The following HELLS variants were observed in gnomAD, a reference collection of about 807,000 sequenced individuals.
HELLS encodes helicase, lymphoid specific, also known as lymphoid-specific helicase.
In HELLS, 32 loss-of-function variants were observed where a neutral mutation model predicts 120.0. That is an observed-to-expected ratio of 0.27 (90% confidence interval 0.20 to 0.36). The LOEUF is 0.36. HELLS is among the 10% of genes least tolerant of loss of function. The pLI is 1.00. For missense variants in HELLS, 650 were observed against 993.4 expected (o/e 0.65, Z 4.65); for synonymous variants, 341 against 323.4 (o/e 1.05, Z -0.58).
At chr10:94,559,972 G>A (rs1843470806) in intron 4 of HELLS, among the ~76,000 whole-genome samples, 1 of 152,188 alleles carries the variant, frequency 6.6e-6, no homozygotes, top group African/African-American at 2.4e-5. Flanking sequence ...GAAAATTACG[G>A]ATTTGAACCC....
At chr10:94,556,170 G>A (rs1843252208) in intron 3 of HELLS, among the ~76,000 whole-genome samples, 2 of 152,146 alleles carry the variant, frequency 1.3e-5, no homozygotes, top group South Asian at 4.1e-4. Context: ...GATAGTGTCA[G>A]AATTGAATTA....
At chr10:94,581,182 CATG>C in intron 10 of HELLS, 141 bp from the exon 11 acceptor site, 1 of 514,196 alleles carries the variant, frequency 1.9e-6, no homozygotes, top group Non-Finnish European at 3.4e-6. Context: ...CAAATGAAAA[CATG>C]ATCATTTCAG....
rs1324058472 is a variant in HELLS at position 94,592,506 on chromosome 10, G to A, written c.1963G>A (p.Glu655Lys). The change falls in exon 17 of 22, where the codon GAA (glutamate) becomes AAA (lysine). Residue 655 changes from glutamate to lysine, a missense_variant. Physicochemically the swap from Glu to Lys is moderately conservative, Grantham distance 56. Coordinates refer to ENST00000348459, the MANE Select transcript of HELLS (RefSeq NM_018063.5). ...LDGSMSYSEREKNMHSFNTDP... is the reference protein window; with the variant it reads ...LDGSMSYSERKKNMHSFNTDP... ...TGGGTCCATGTCTTACTCAGAGAGA[G>A]AAAAAAACGTAAGACTACTTATGTC... The A allele has an allele frequency of 6.9e-7, 1 of 1,458,014 alleles. No individual in the cohort carries two copies. Among genetic ancestry groups the A allele is most frequent in the Non-Finnish European group, 9.1e-7 (1 of 1,104,428 alleles). 90.3% of individuals were successfully genotyped at this position (1,458,014 alleles called of 1,614,324 possible). A position where few individuals can be genotyped will look rare whatever the true frequency, so the allele number is the denominator to read the frequency against.
At chr10:94,548,140 T>C (rs1842826618) in intron 2 of HELLS, among the ~76,000 whole-genome samples, 3 of 152,240 alleles carry the variant, frequency 2.0e-5, no homozygotes, top group Admixed American at 1.3e-4. Flanking sequence ...CATCACTTGC[T>C]GTTTTGTTTT....
chr10:94,572,153 AGTT>A (rs1844209830), intron 7 of HELLS, among the ~76,000 whole-genome samples: 1 of 152,156 alleles, frequency 6.6e-6, no homozygotes, highest in Admixed American at 6.5e-5. Context: ...TTATGGGTGC[AGTT>A]TAGTTGGATT....
Position 94,576,693 on chromosome 10 carries a change from A to G in HELLS, c.920A>G (p.Glu307Gly). 1 of 1,608,382 alleles carries G rather than the reference A, an allele frequency of 6.2e-7. No homozygotes were observed. The highest frequency in any genetic ancestry group is 8.5e-7 in the Non-Finnish European group (1 of 1,175,188). The change falls in exon 10 of 22, where the codon GAG becomes GGG. Residue 307 changes from glutamate (E) to glycine (G), a missense_variant. Physicochemically the swap from Glu to Gly is moderately conservative, Grantham distance 98 (BLOSUM62 -2). Transcript: ENST00000348459. Reference protein sequence around the residue: ...IPTMLYHGTQEERQKLVRNIY... With the variant: ...IPTMLYHGTQGERQKLVRNIY... ...ACAATGTTATATCATGGAACCCAGG[A>G]GGAACGTCAAAAATTGGTAAGAAAT...
chr10:94,555,392 G>T (rs1347409203), intron 3 of HELLS, among the ~76,000 whole-genome samples: 1 of 152,078 alleles, frequency 6.6e-6, no homozygotes. Flanking sequence ...AGCCGAGATT[G>T]CACCCCTGGA....
At chr10:94,592,661 G>A in intron 17 of HELLS, 147 bp downstream of exon 17, 1 of 472,644 alleles carries the variant, frequency 2.1e-6, no homozygotes, top group Non-Finnish European at 3.5e-6. Context: ...CAAACATTTT[G>A]ATTTAGTACT....
chr10:94,575,674 G>A (rs1390159465), intron 9 of HELLS, among the ~76,000 whole-genome samples: 4 of 150,458 alleles, frequency 2.7e-5, no homozygotes, highest in African/African-American at 9.7e-5. Flanking sequence ...GCCCACCTTG[G>A]CCTCCCACAG....
At chr10:94,564,189 A>T (rs1843683223) in intron 6 of HELLS, among the ~76,000 whole-genome samples, 1 of 152,122 alleles carries the variant, frequency 6.6e-6, no homozygotes, top group Non-Finnish European at 1.5e-5. Flanking sequence ...CTTGTTAAGT[A>T]CCTAGTGGAC....
chr10:94,603,785 T>C (rs191074273), downstream of HELLS, among the ~76,000 whole-genome samples: 1 of 152,306 alleles, frequency 6.6e-6, no homozygotes, highest in Admixed American at 6.5e-5. Flanking sequence ...TCATATTTCA[T>C]GTCTGATTCT....
intron 12 of HELLS, among the ~76,000 whole-genome samples, chr10:94,584,455 C>G (rs1376912863): frequency 6.6e-6 from 1 of 152,014 alleles, no homozygotes. Flanking sequence ...GTTATAGAAG[C>G]TTTTAAATGT....
At chr10:94,582,456 TATTA>T (rs1042152812) in intron 11 of HELLS, among the ~76,000 whole-genome samples, 2 of 152,180 alleles carry the variant, frequency 1.3e-5, no homozygotes, top group South Asian at 4.1e-4. Flanking sequence ...TATTCTATAT[TATTA>T]ATCTGCATGC....
downstream of HELLS, among the ~76,000 whole-genome samples, chr10:94,606,086 A>G (rs80119516): frequency 1.1e-5 from 1 of 90,652 alleles, no homozygotes; most frequent in Non-Finnish European, 2.4e-5. Context: ...TTTTTTTTTC[A>G]TTTTTAAAGA....
chr10:94,597,523 A>ATTTAT (rs564267420), intron 21 of HELLS, among the ~76,000 whole-genome samples: 1 of 151,970 alleles, frequency 6.6e-6, no homozygotes, highest in Non-Finnish European at 1.5e-5. Context: ...TAACACGATG[A>ATTTAT]TTTATTTTAT....
chr10:94,583,541 C>T (rs370131628), intron 12 of HELLS, among the ~76,000 whole-genome samples: 33 of 152,016 alleles, frequency 2.2e-4, no homozygotes, highest in African/African-American at 7.0e-4. Flanking sequence ...AAGTCTTTAT[C>T]GTTTTTTCTG....
At chr10:94,554,354 G>T in intron 3 of HELLS, 106 bp downstream of exon 3, 1 of 758,354 alleles carries the variant, frequency 1.3e-6, no homozygotes, top group South Asian at 2.8e-5. Flanking sequence ...TAAGTGTACG[G>T]TTTGCTGAGT....
intron 18 of HELLS, among the ~76,000 whole-genome samples, 200 bp downstream of exon 18, chr10:94,593,815 A>G (rs1038255417): frequency 6.6e-6 from 1 of 151,970 alleles, no homozygotes; most frequent in Admixed American, 6.6e-5. Flanking sequence ...GGTGTACACC[A>G]CAATGCCTGG....
chr10:94,551,745 CT>C (rs909997838), intron 2 of HELLS, among the ~76,000 whole-genome samples: 115 of 143,030 alleles, frequency 8.0e-4, no homozygotes, highest in Middle Eastern at 3.5e-3. Flanking sequence ...CATTTCTTTT[CT>C]TTTTTTTTTT....
Sources: gnomAD v4.1 joint callset for allele counts (sites outside exome capture counted in the v4.1 genomes callset) on GRCh38, gnomAD v4.1.1 for gene constraint, MANE v1.5 for transcripts, NCBI Gene and HGNC (gene_info 2026-07-23, HGNC 2026-07-21) for gene names.